USP46: variants seen among roughly 807,000 people sequenced by gnomAD.
The protein encoded by USP46 is ubiquitin carboxyl-terminal hydrolase 46.
In USP46, 12 loss-of-function variants were observed where a neutral mutation model predicts 44.4. The observed-to-expected ratio is 0.27, with a 90% CI of 0.17 to 0.44. USP46 has a LOEUF of 0.44. Ranked by LOEUF, USP46 falls within the 20% of genes least tolerant of loss-of-function variation. The probability of loss-of-function intolerance (pLI) is 1.00; values close to 1 mark genes in which losing one functional copy is unlikely to be tolerated. For synonymous variants in USP46, 155 were observed against 161.5 expected, an observed-to-expected ratio of 0.96 and a Z score of 0.31; for missense variants, 248 against 444.8, an observed-to-expected ratio of 0.56 and a Z score of 3.98.
At chr4:52,623,100 T>C (rs950124587) in intron 4 of USP46, among the ~76,000 whole-genome samples, 2 of 151,588 alleles carry the variant, frequency 1.3e-5, no homozygotes, top group Non-Finnish European at 2.9e-5. Context: ...CAGCCAAGAG[T>C]TGATGGGTGC....
intron 1 of USP46, among the ~76,000 whole-genome samples, chr4:52,648,858 G>C (rs1718652669): frequency 1.3e-5 from 2 of 152,174 alleles, no homozygotes; most frequent in South Asian, 2.1e-4. Flanking sequence ...GAATAGCTCA[G>C]ATTACACCTA....
intron 6 of USP46, 64 bp from the exon 7 acceptor site, chr4:52,602,118 G>A: frequency 2.6e-6 from 4 of 1,520,970 alleles, no homozygotes; most frequent in Non-Finnish European, 3.6e-6. Context: ...AGAATACACT[G>A]TCATCTGCAC....
chr4:52,647,855 C>T (rs1018198512), intron 1 of USP46, among the ~76,000 whole-genome samples: 2 of 152,182 alleles, frequency 1.3e-5, no homozygotes, highest in South Asian at 2.1e-4. Flanking sequence ...CCCAACACCG[C>T]TAAAGCTGGA....
chr4:52,635,590 A>G (rs1256898345), intron 1 of USP46, among the ~76,000 whole-genome samples: 1 of 152,162 alleles, frequency 6.6e-6, no homozygotes, highest in Non-Finnish European at 1.5e-5. Context: ...GACTCCCCCA[A>G]CTTCCTACAT....
chr4:52,652,214 G>A (rs1023613021), intron 1 of USP46, among the ~76,000 whole-genome samples: 1 of 152,138 alleles, frequency 6.6e-6, no homozygotes, highest in African/African-American at 2.4e-5. Context: ...CCATCAGACT[G>A]GCAAAACATC....
chr4:52,604,691 A>T (rs987694003), intron 5 of USP46, 107 bp from the exon 6 acceptor site: 7 of 723,816 alleles, frequency 9.7e-6, no homozygotes, highest in Non-Finnish European at 1.3e-5. Context: ...GTAAAAATGG[A>T]AGAAGAAGTA....
chr4:52,631,225 G>A, intron 1 of USP46, 81 bp from the exon 2 acceptor site: 1 of 1,078,508 alleles, frequency 9.3e-7, no homozygotes, highest in Non-Finnish European at 1.4e-6. Context: ...GTCTACTATT[G>A]AGACAAGCAT....
chr4:52,640,804 C>T (rs1299035830), intron 1 of USP46, among the ~76,000 whole-genome samples: 1 of 141,570 alleles, frequency 7.1e-6, no homozygotes, highest in Non-Finnish European at 1.5e-5. Flanking sequence ...AAAACTCCAT[C>T]TCAAAAAAAA....
chr4:52,651,950 A>G (rs1468246019), intron 1 of USP46, among the ~76,000 whole-genome samples: 3 of 152,110 alleles, frequency 2.0e-5, no homozygotes, highest in Non-Finnish European at 2.9e-5. Context: ...TTTCACCTGC[A>G]TCTTCCAATC....
intron 1 of USP46, among the ~76,000 whole-genome samples, chr4:52,648,482 G>A (rs190478422): frequency 1.3e-5 from 2 of 152,094 alleles, no homozygotes; most frequent in Non-Finnish European, 2.9e-5. Flanking sequence ...ACAGATTTAA[G>A]GAAAACTAAG....
At chr4:52,631,408 A>G (rs748424593) in intron 1 of USP46, among the ~76,000 whole-genome samples, 8 of 152,250 alleles carry the variant, frequency 5.3e-5, no homozygotes, top group Non-Finnish European at 8.8e-5. Flanking sequence ...AGAAAGTTTG[A>G]GACAGGCAAA....
intron 4 of USP46, among the ~76,000 whole-genome samples, chr4:52,615,838 T>C (rs933730097): frequency 4.6e-5 from 7 of 152,200 alleles, no homozygotes; most frequent in African/African-American, 1.7e-4. Flanking sequence ...AAAAAATCAC[T>C]AACTGGATAG....
At chr4:52,601,111 G>T (rs1244714674) in intron 7 of USP46, among the ~76,000 whole-genome samples, 1 of 152,184 alleles carries the variant, frequency 6.6e-6, no homozygotes, top group Non-Finnish European at 1.5e-5. Flanking sequence ...AGATGGAGGA[G>T]AAAGACTCTT....
At chr4:52,632,972 G>GAAAGAAAGAA (rs1717932616) in intron 1 of USP46, among the ~76,000 whole-genome samples, 1 of 73,986 alleles carries the variant, frequency 1.4e-5, no homozygotes, top group Non-Finnish European at 2.6e-5. Context: ...AAGAAAGAAA[G>GAAAGAAAGAA]AAAGAAAGAA....
At chr4:52,644,670 T>G (rs1718473344) in intron 1 of USP46, among the ~76,000 whole-genome samples, 1 of 150,888 alleles carries the variant, frequency 6.6e-6, no homozygotes, top group Non-Finnish European at 1.5e-5. Context: ...GTGGAAAAAT[T>G]GTCTTCCACA....
intron 4 of USP46, among the ~76,000 whole-genome samples, chr4:52,618,389 C>T (rs1214638387): frequency 1.3e-5 from 2 of 152,032 alleles, no homozygotes. Flanking sequence ...ATTCGGGAGG[C>T]TAAGGCAGCA....
intron 2 of USP46, 74 bp from the exon 3 acceptor site, chr4:52,628,237 G>A: frequency 1.4e-6 from 2 of 1,479,018 alleles, no homozygotes; most frequent in African/African-American, 1.4e-5. Flanking sequence ...TGGTGAGGGT[G>A]AGAAGGTCCC....
intron 6 of USP46, 29 bp from the exon 7 acceptor site, chr4:52,602,083 T>C (rs1446060710): frequency 6.2e-7 from 1 of 1,600,942 alleles, no homozygotes; most frequent in East Asian, 2.2e-5. Context: ...GAAAATCAGT[T>C]GTACCCAACA....
chr4:52,645,108 C>T (rs952893853), intron 1 of USP46, among the ~76,000 whole-genome samples: 1 of 151,600 alleles, frequency 6.6e-6, no homozygotes, highest in Admixed American at 6.6e-5. Flanking sequence ...ACCTATAATC[C>T]CATGTACTCG....
Sources: gnomAD v4.1 joint callset for allele counts (sites outside exome capture counted in the v4.1 genomes callset) on GRCh38, gnomAD v4.1.1 for gene constraint, MANE v1.5 for transcripts, NCBI Gene and HGNC (gene_info 2026-07-23, HGNC 2026-07-21) for gene names.